Variants in TBXAS1 observed in about 807,000 individuals in gnomAD.
TBXAS1 encodes thromboxane-A synthase.
TBXAS1 carries 48 observed loss-of-function variants against 60.7 expected under a neutral mutation model. That is an observed-to-expected ratio of 0.79 (90% CI 0.63 to 1.01). TBXAS1 has a LOEUF of 1.01. Among genes scored for constraint, TBXAS1 ranks in the 50% least tolerant of loss-of-function variants. TBXAS1 has a pLI of 0.00. For synonymous variants in TBXAS1, 287 were observed against 269.7 expected, an observed-to-expected ratio of 1.06 and a Z score of -0.63; for missense variants, 685 against 686.3, an observed-to-expected ratio of 1.00 and a Z score of 0.02.
intron 4 of TBXAS1, among the ~76,000 whole-genome samples, chr7:139,818,984 G>A (rs6961627): frequency 0.11 from 17,125 of 152,188 alleles, 2,176 homozygotes; most frequent in East Asian, 0.31. Context: ...ACTGGGCCTT[G>A]GCTTTTTAGC....
chr7:139,936,158 A>G, intron 4 of TBXAS1, 33 bp from the exon 5 acceptor site: 1 of 1,612,090 alleles, frequency 6.2e-7, no homozygotes, highest in South Asian at 1.1e-5. Context: ...TGGCTCCCTG[A>G]GTCCTGACCC....
intron 5 of TBXAS1, among the ~76,000 whole-genome samples, chr7:139,945,495 T>G (rs762382447): frequency 6.6e-6 from 1 of 152,230 alleles, no homozygotes; most frequent in Non-Finnish European, 1.5e-5. Context: ...GTACCTTCTA[T>G]GTCAAGGCTC....
intron 3 of TBXAS1, among the ~76,000 whole-genome samples, chr7:139,881,853 T>C (rs755027550): frequency 2.6e-5 from 4 of 152,240 alleles, no homozygotes; most frequent in Non-Finnish European, 5.9e-5. Flanking sequence ...TGGAGGTTTT[T>C]AGCACCATTT....
chr7:139,801,470 C>CTTTT (rs56097281), intron 4 of TBXAS1, among the ~76,000 whole-genome samples: 4 of 150,242 alleles, frequency 2.7e-5, no homozygotes, highest in African/African-American at 2.4e-5. Flanking sequence ...TCTCTTTGTC[C>CTTTT]TTTTTTTTTC....
intron 4 of TBXAS1, among the ~76,000 whole-genome samples, chr7:139,922,093 CTTTT>C (rs1270731663): frequency 5.8e-4 from 87 of 148,844 alleles, no homozygotes; most frequent in African/African-American, 2.1e-3. Flanking sequence ...AGAACTTTTT[CTTTT>C]TCTTTTTTTT....
At chr7:139,783,686 GC>G (rs1188210850) in intron 3 of TBXAS1, among the ~76,000 whole-genome samples, 1 of 152,216 alleles carries the variant, frequency 6.6e-6, no homozygotes, top group African/African-American at 2.4e-5. Context: ...GCCTACCTCA[GC>G]CATGAATCAG....
rs140592208 is a variant in TBXAS1 at position 139,915,116 on chromosome 7, T to C, written c.333+3795T>C. Reference sequence around the variant, plus strand: ...ATGCATCCACTTATGTGTAGCTTTGTTTATGGTCTTTAAGCCAATTCCATA... The same window carrying C: ...ATGCATCCACTTATGTGTAGCTTTGCTTATGGTCTTTAAGCCAATTCCATA... On this transcript the variant is annotated intron_variant, in intron 4 of 12. Coordinates refer to ENST00000448866, the MANE Select transcript of TBXAS1 (RefSeq NM_001061.7). Among the ~76,000 whole-genome samples, 3 of 152,334 alleles carry C rather than the reference T, an allele frequency of 2.0e-5. No individual in the cohort carries two copies. In the East Asian group the frequency reaches 5.8e-4, roughly 29 times the overall value.
At chr7:139,957,459 C>A in intron 7 of TBXAS1, 175 bp from the exon 8 acceptor site, 1 of 750,432 alleles carries the variant, frequency 1.3e-6, no homozygotes, top group Non-Finnish European at 2.3e-6. Flanking sequence ...GTGAGGAGTA[C>A]CGAGAGGGAG....
intron 1 of TBXAS1, among the ~76,000 whole-genome samples, chr7:139,848,055 A>C (rs1799936836): frequency 6.6e-6 from 1 of 152,138 alleles, no homozygotes; most frequent in African/African-American, 2.4e-5. Context: ...TCTTGGCCTC[A>C]AGTGACCCTC....
intron 4 of TBXAS1, among the ~76,000 whole-genome samples, chr7:139,822,588 G>A (rs1585556226): frequency 6.6e-6 from 1 of 152,128 alleles, no homozygotes; most frequent in East Asian, 1.9e-4. Flanking sequence ...CTGAAGCCAC[G>A]ATAGCTTCCT....
chr7:139,948,018 C>T (rs112883386), intron 5 of TBXAS1, among the ~76,000 whole-genome samples: 9,182 of 152,218 alleles, frequency 0.06, 379 homozygotes, highest in Non-Finnish European at 0.089. Context: ...GCACGGGCCA[C>T]CACACCTGGC....
intron 4 of TBXAS1, among the ~76,000 whole-genome samples, chr7:139,803,974 C>A (rs1310117765): frequency 6.6e-6 from 1 of 152,226 alleles, no homozygotes; most frequent in African/African-American, 2.4e-5. Flanking sequence ...TTTGGAACCC[C>A]CACATGGAGT....
chr7:139,946,339 C>CAAAAG (rs1311918528), intron 5 of TBXAS1, among the ~76,000 whole-genome samples: 1 of 152,058 alleles, frequency 6.6e-6, no homozygotes, highest in Non-Finnish European at 1.5e-5. Context: ...GATCCTGTCT[C>CAAAAG]AAAAGAAAAG....
At chr7:139,930,505 G>A (rs1222011160) in intron 4 of TBXAS1, among the ~76,000 whole-genome samples, 2 of 152,192 alleles carry the variant, frequency 1.3e-5, no homozygotes, top group East Asian at 1.9e-4. Flanking sequence ...AAGTCACATG[G>A]AGCCAATATT....
At chr7:139,805,712 T>TTTCTCTC (rs1554466261) in intron 4 of TBXAS1, among the ~76,000 whole-genome samples, 15 of 44,356 alleles carry the variant, frequency 3.4e-4, no homozygotes, top group Admixed American at 2.3e-3. Context: ...CTTTCTTTCT[T>TTTCTCTC]TCTCTCTCTC....
At chr7:139,839,642 C>A (rs1418473743) in intron 1 of TBXAS1, among the ~76,000 whole-genome samples, 3 of 144,262 alleles carry the variant, frequency 2.1e-5, no homozygotes, top group African/African-American at 7.8e-5. Flanking sequence ...AGTTTGAGAC[C>A]AGCCTGGGCA....
intron 4 of TBXAS1, among the ~76,000 whole-genome samples, chr7:139,930,045 C>T (rs1236647073): frequency 1.3e-5 from 2 of 152,206 alleles, no homozygotes; most frequent in Admixed American, 6.5e-5. Context: ...CATGCCCTCT[C>T]TGGCCTGCCT....
At chr7:139,915,836 G>A (rs1017808739) in intron 4 of TBXAS1, among the ~76,000 whole-genome samples, 14 of 152,162 alleles carry the variant, frequency 9.2e-5, no homozygotes, top group African/African-American at 1.4e-4. Context: ...GATCCGGAGC[G>A]GCAGTTCTTA....
chr7:139,923,082 C>A (rs1234476621), intron 4 of TBXAS1, among the ~76,000 whole-genome samples: 1 of 152,032 alleles, frequency 6.6e-6, no homozygotes, highest in East Asian at 1.9e-4. Context: ...TTTGGGAAGG[C>A]CAAGGTGGGG....
Sources: allele counts gnomAD v4.1 joint callset (sites outside exome capture counted in the v4.1 genomes callset), GRCh38; gene constraint gnomAD v4.1.1; transcripts MANE v1.5; gene names NCBI Gene and HGNC (gene_info 2026-07-23, HGNC 2026-07-21).